ADCY2: variants seen among roughly 807,000 people sequenced by gnomAD.
ADCY2 encodes adenylate cyclase 2.
A neutral mutation model predicts 125.2 loss-of-function variants in ADCY2; 31 were observed. That is an observed-to-expected ratio of 0.25 (90% CI 0.19 to 0.33). The LOEUF is 0.33. ADCY2 is among the 10% of genes least tolerant of loss of function. The pLI is 1.00. For synonymous variants in ADCY2, 512 were observed against 548.4 expected (o/e 0.93, Z 0.93); for missense variants, 904 against 1,418.2 (o/e 0.64, Z 5.82).
At chr5:7,715,558 T>C (rs552376696) in intron 11 of ADCY2, among the ~76,000 whole-genome samples, 32 of 151,998 alleles carry the variant, frequency 2.1e-4, no homozygotes, top group Non-Finnish European at 3.5e-4. Flanking sequence ...TCCTTGCTTT[T>C]TTTTTTTTTT....
intron 4 of ADCY2, among the ~76,000 whole-genome samples, chr5:7,651,323 A>AGGT (rs1739080843): frequency 6.6e-6 from 1 of 152,098 alleles, no homozygotes; most frequent in Non-Finnish European, 1.5e-5. Context: ...AGGAGTATTG[A>AGGT]CTCACACGAT....
chr5:7,430,841 A>G (rs7723376), intron 2 of ADCY2, among the ~76,000 whole-genome samples: 2,616 of 152,262 alleles, frequency 0.017, 79 homozygotes, highest in African/African-American at 0.059. Context: ...GTGCAATTTC[A>G]CTACACAGAA....
rs1268533316 is a variant in ADCY2, at chr5:7,447,190, C to A, written c.408+32420C>A. Among the ~76,000 whole-genome samples, 3 of 136,156 alleles carry A rather than the reference C, an allele frequency of 2.2e-5. No homozygotes were observed. In the East Asian group the frequency reaches 5.9e-4, roughly 27 times the overall value. 89.3% of individuals were successfully genotyped at this position (136,156 alleles called of 152,430 possible). On this transcript the variant is annotated intron_variant, in intron 2 of 24. Transcript: ENST00000338316. The stretch of plus-strand genomic sequence containing the variant: ...TCAGAAGCTTGTTCTGGGGATCCCT[C>A]CAGAACAAAATCCCCCAAGCTCTTC...
intron 3 of ADCY2, among the ~76,000 whole-genome samples, chr5:7,570,957 G>A (rs1579584744): frequency 6.6e-6 from 1 of 152,234 alleles, no homozygotes; most frequent in East Asian, 1.9e-4. Context: ...CCTTGTTAAT[G>A]CATTGATTGT....
chr5:7,719,181 G>A (rs1472543081), intron 12 of ADCY2, among the ~76,000 whole-genome samples: 2 of 152,036 alleles, frequency 1.3e-5, no homozygotes, highest in Non-Finnish European at 2.9e-5. Context: ...TTTAAATTAT[G>A]TGTTTGCTTT....
At chr5:7,803,151 T>G (rs1744650926) in intron 21 of ADCY2, among the ~76,000 whole-genome samples, 1 of 152,172 alleles carries the variant, frequency 6.6e-6, no homozygotes, top group African/African-American at 2.4e-5. Flanking sequence ...ATGCTAGATA[T>G]TCATGGTGAC....
intron 4 of ADCY2, among the ~76,000 whole-genome samples, chr5:7,680,701 G>A (rs747721418): frequency 6.6e-6 from 1 of 152,140 alleles, no homozygotes; most frequent in Non-Finnish European, 1.5e-5. Flanking sequence ...GTAAACTTGA[G>A]TTTTCATCCT....
chr5:7,449,215 T>A (rs1741386707), intron 2 of ADCY2, among the ~76,000 whole-genome samples: 1 of 152,198 alleles, frequency 6.6e-6, no homozygotes, highest in East Asian at 1.9e-4. Context: ...GATTTGCATT[T>A]CTCTAATGAC....
intron 2 of ADCY2, among the ~76,000 whole-genome samples, chr5:7,514,558 A>C (rs4444938): frequency 0.18 from 27,547 of 152,156 alleles, 2,671 homozygotes; most frequent in East Asian, 0.33. Flanking sequence ...TGTGTTCTCC[A>C]AGAAACATAT....
intron 15 of ADCY2, among the ~76,000 whole-genome samples, chr5:7,754,473 A>C (rs963913652): frequency 2.6e-5 from 4 of 152,078 alleles, no homozygotes; most frequent in Non-Finnish European, 5.9e-5. Flanking sequence ...TGTGTACAGA[A>C]ATTATCATAA....
intron 2 of ADCY2, among the ~76,000 whole-genome samples, chr5:7,448,572 T>A (rs1741364834): frequency 1.3e-5 from 2 of 152,082 alleles, no homozygotes; most frequent in Non-Finnish European, 2.9e-5. Context: ...GCTGCACAGA[T>A]CTTCCCATCA....
intron 2 of ADCY2, among the ~76,000 whole-genome samples, chr5:7,513,078 GACAC>G (rs142515106): frequency 1.3e-4 from 16 of 124,078 alleles, no homozygotes; most frequent in Admixed American, 6.5e-4. Context: ...GAAAATACAT[GACAC>G]ACACACACAC....
At chr5:7,815,885 G>C (rs1745097067) in intron 22 of ADCY2, among the ~76,000 whole-genome samples, 1 of 152,184 alleles carries the variant, frequency 6.6e-6, no homozygotes, top group African/African-American at 2.4e-5. Context: ...TTGCCTCGCT[G>C]TTCTGGAGAC....
chr5:7,747,317 A>G (rs1177519797), intron 15 of ADCY2, among the ~76,000 whole-genome samples: 1 of 152,206 alleles, frequency 6.6e-6, no homozygotes, highest in Non-Finnish European at 1.5e-5. Flanking sequence ...TCCATCATAT[A>G]AGATCTCACT....
At chr5:7,398,958 A>G (rs2111432476) in intron 1 of ADCY2, among the ~76,000 whole-genome samples, 1 of 152,342 alleles carries the variant, frequency 6.6e-6, no homozygotes, top group Admixed American at 6.5e-5. Context: ...AAGGTAGAAT[A>G]GGGCTAAGGT....
chr5:7,417,233 G>A (rs1427355624), intron 2 of ADCY2, among the ~76,000 whole-genome samples: 5 of 151,728 alleles, frequency 3.3e-5, no homozygotes, highest in African/African-American at 1.2e-4. Context: ...TCAATCTTAG[G>A]TACCTAAAGT....
chr5:7,522,170 A>G (rs936918806), intron 3 of ADCY2, among the ~76,000 whole-genome samples: 7 of 152,186 alleles, frequency 4.6e-5, no homozygotes, highest in Admixed American at 3.3e-4. Flanking sequence ...TTAAGGTGGT[A>G]TGTATTCAAG....
At chr5:7,587,395 G>A (rs774720363) in intron 3 of ADCY2, among the ~76,000 whole-genome samples, 2 of 152,158 alleles carry the variant, frequency 1.3e-5, no homozygotes, top group Admixed American at 6.5e-5. Flanking sequence ...GCTTGATGAC[G>A]CATAGCGTTT....
At chr5:7,419,264 C>G (rs1740090804) in intron 2 of ADCY2, among the ~76,000 whole-genome samples, 1 of 152,076 alleles carries the variant, frequency 6.6e-6, no homozygotes, top group Admixed American at 6.5e-5. Flanking sequence ...TCTAGAAGAA[C>G]CCACGGAACT....
Sources: allele counts gnomAD v4.1 joint callset (sites outside exome capture counted in the v4.1 genomes callset), GRCh38; gene constraint gnomAD v4.1.1; transcripts MANE v1.5; gene names NCBI Gene and HGNC (gene_info 2026-07-23, HGNC 2026-07-21).